Variants in G3BP1 observed in about 807,000 individuals in gnomAD.
G3BP1 encodes ras GTPase-activating protein-binding protein 1.
G3BP1 carries 35 observed loss-of-function variants against 58.6 expected under a neutral mutation model. That is an observed-to-expected ratio of 0.60 (90% CI 0.46 to 0.79). The LOEUF (loss-of-function observed/expected upper bound fraction) is 0.79. G3BP1 is among the 30% of genes least tolerant of loss of function. The pLI is 0.00. For missense variants in G3BP1, 523 were observed against 580.8 expected, an observed-to-expected ratio of 0.90 and a Z score of 1.02; for synonymous variants, 191 against 195.4, an observed-to-expected ratio of 0.98 and a Z score of 0.19.
chr5:151,796,169 T>C (rs1440145400), intron 6 of G3BP1, among the ~76,000 whole-genome samples: 1 of 152,208 alleles, frequency 6.6e-6, no homozygotes, highest in African/African-American at 2.4e-5. Flanking sequence ...GATGAACTAA[T>C]CAGGTTACTC....
intron 1 of G3BP1, among the ~76,000 whole-genome samples, chr5:151,779,389 T>C (rs142958792): frequency 2.0e-4 from 31 of 152,304 alleles, no homozygotes; most frequent in African/African-American, 7.5e-4. Context: ...TGATATCTAA[T>C]TGTTTCAGTA....
At chr5:151,801,823 T>TA (rs1762856576) in intron 11 of G3BP1, among the ~76,000 whole-genome samples, 1 of 151,996 alleles carries the variant, frequency 6.6e-6, no homozygotes, top group Non-Finnish European at 1.5e-5. Context: ...TTTTTTATTT[T>TA]TTTTTTTTTG....
In G3BP1 at chr5:151,811,132, C is replaced by G. The variant is rs1387274093; in HGVS notation, c.*7041C>G. On this transcript the variant is annotated 3_prime_UTR_variant, in exon 12 of 12. Transcript: ENST00000356245. ...AGTCTTTCCCGTCTTTCTTCCTCAC[C>G]TATGTAATTTCAGTAGTCTCTCAGC... The G allele has an allele frequency of 6.6e-6, 1 of 152,210 alleles. No individual in the cohort carries two copies. Among genetic ancestry groups the G allele is most frequent in the African/African-American group, 2.4e-5 (1 of 41,442 alleles). The allele number at this position is 152,210 out of a possible 1,614,324, so 9.4% of individuals were successfully genotyped here. A position where few individuals can be genotyped will look rare whatever the true frequency, so the allele number is the denominator to read the frequency against.
chr5:151,803,075 C>G (rs7734314), intron 11 of G3BP1, among the ~76,000 whole-genome samples: 63,137 of 152,086 alleles, frequency 0.42, 13,227 homozygotes, highest in South Asian at 0.47. Context: ...TTCGTAGCCC[C>G]TTAACTACTT....
At chr5:151,776,157 G>T (rs1406884285) in intron 1 of G3BP1, among the ~76,000 whole-genome samples, 1 of 152,164 alleles carries the variant, frequency 6.6e-6, no homozygotes, top group African/African-American at 2.4e-5. Context: ...CATGACACTT[G>T]ATCTCATTTG....
intron 2 of G3BP1, among the ~76,000 whole-genome samples, chr5:151,788,056 C>T (rs1163932646): frequency 6.6e-6 from 1 of 151,976 alleles, no homozygotes; most frequent in African/African-American, 2.4e-5. Flanking sequence ...TCCTGAGTAG[C>T]TGGGACTGAG....
intron 1 of G3BP1, among the ~76,000 whole-genome samples, chr5:151,779,596 G>T (rs952767280): frequency 1.3e-5 from 2 of 152,150 alleles, no homozygotes; most frequent in Non-Finnish European, 2.9e-5. Flanking sequence ...TATATGTAAC[G>T]TTATCACACA....
At chr5:151,772,547 G>A (rs1420101985) in intron 1 of G3BP1, 1 of 152,504 alleles carries the variant, frequency 6.6e-6, no homozygotes, top group Admixed American at 6.5e-5. Flanking sequence ...AGCAAAGAGG[G>A]AGCAGCGAGT....
At chr5:151,799,030 A>G (rs549328295) in intron 7 of G3BP1, among the ~76,000 whole-genome samples, 182 bp from the exon 8 acceptor site, 2 of 152,312 alleles carry the variant, frequency 1.3e-5, no homozygotes, top group South Asian at 4.1e-4. Context: ...CATCAGTCCC[A>G]AGGAATTTCA....
chr5:151,803,746 G>C, intron 11 of G3BP1, 139 bp from the exon 12 acceptor site: 1 of 577,246 alleles, frequency 1.7e-6, no homozygotes, highest in Non-Finnish European at 3.1e-6. Flanking sequence ...CACCCGTCTC[G>C]GCCTCCCAAA....
intron 11 of G3BP1, among the ~76,000 whole-genome samples, chr5:151,801,511 T>G (rs1762848926): frequency 6.6e-6 from 1 of 152,230 alleles, no homozygotes; most frequent in South Asian, 2.1e-4. Flanking sequence ...TAAGCTATAC[T>G]TTTTTATTGA....
intron 1 of G3BP1, among the ~76,000 whole-genome samples, chr5:151,779,354 C>T (rs1762428297): frequency 6.6e-6 from 1 of 151,972 alleles, no homozygotes; most frequent in Non-Finnish European, 1.5e-5. Flanking sequence ...AATTGAGGTT[C>T]TGGTTTTTTT....
In G3BP1 at chr5:151,809,924, G is replaced by A. The variant is rs1762993387; in HGVS notation, c.*5833G>A. On this transcript the variant is annotated 3_prime_UTR_variant, in exon 12 of 12. Transcript: ENST00000356245. ...TTAACTTGTGCTCCCCTCAGGGATGGGTTTACTACTAGCTGTCAGAAAGCT... is the reference window on the plus strand; with the variant it reads ...TTAACTTGTGCTCCCCTCAGGGATGAGTTTACTACTAGCTGTCAGAAAGCT... 6.6e-6 allele frequency: 1 copy of A among 152,134 alleles called. No individual in the cohort carries two copies. The highest frequency in any genetic ancestry group is 2.1e-4 in the South Asian group (1 of 4,814). 9.4% of individuals were successfully genotyped at this position (152,134 alleles called of 1,614,324 possible).
At position 151,807,762 on chromosome 5, in the gene G3BP1, G is replaced by A. The variant is rs1400638488; in HGVS notation, c.*3671G>A. ...ATTTAACGATTTAATGGAAAATGTT[G>A]CACTTTATAGAAGGCCATTTTAGAA... On this transcript the variant is annotated 3_prime_UTR_variant, in exon 12 of 12. Transcript: ENST00000356245. 6.6e-6 allele frequency: 1 copy of A among 152,148 alleles called. No individual in the cohort carries two copies. Among genetic ancestry groups the A allele is most frequent in the East Asian group, 1.9e-4 (1 of 5,196 alleles). 9.4% of individuals were successfully genotyped at this position (152,148 alleles called of 1,614,324 possible).
Position 151,786,604 on chromosome 5 carries a change from T to C in G3BP1, c.-17T>C. ...CATATTTGACTCTTTTCCCCCCAGG[T>C]TGAATTGACCAAAGCAATGGTGATG... On this transcript the variant is annotated 5_prime_UTR_variant, in exon 2 of 12. Coordinates refer to ENST00000356245, the MANE Select transcript of G3BP1 (RefSeq NM_005754.3). 1 of 1,557,396 alleles carries C rather than the reference T, an allele frequency of 6.4e-7. No individual in the cohort carries two copies. Among genetic ancestry groups the C allele is most frequent in the Non-Finnish European group, 8.9e-7 (1 of 1,128,374 alleles).
Position 151,809,112 on chromosome 5 carries a change from G to T in G3BP1, c.*5021G>T, listed in dbSNP as rs1762977643. 6.6e-6 allele frequency: 1 copy of T among 152,218 alleles called. No homozygotes were observed. The highest frequency in any genetic ancestry group is 2.4e-5 in the African/African-American group (1 of 41,440). The allele number at this position is 152,218 out of a possible 1,614,324, so 9.4% of individuals were successfully genotyped here. ...GATTGCTTGAGCCCAGGAGTTGGAG[G>T]CTGCAGTGAGTTATGATCATACCAC... On this transcript the variant is annotated 3_prime_UTR_variant, in exon 12 of 12. Transcript: ENST00000356245.
chr5:151,805,914 T>C lies in G3BP1; in HGVS notation c.*1823T>C, dbSNP rs1185417626. The C allele has an allele frequency of 6.6e-6, 1 of 152,222 alleles. No individual in the cohort carries two copies. The highest frequency in any genetic ancestry group is 2.4e-5 in the African/African-American group (1 of 41,458). The allele number at this position is 152,222 out of a possible 1,614,324, so 9.4% of individuals were successfully genotyped here. On this transcript the variant is annotated 3_prime_UTR_variant, in exon 12 of 12. Coordinates refer to ENST00000356245, the MANE Select transcript of G3BP1 (RefSeq NM_005754.3). ...CATAAATTATGGATAGCCTAGAAAT[T>C]ATCCTTCATGAGTGAATACTAAATT...
intron 10 of G3BP1, 110 bp downstream of exon 10, chr5:151,800,456 G>GT (rs1212807623): frequency 2.8e-6 from 2 of 719,524 alleles, no homozygotes; most frequent in Non-Finnish European, 4.3e-6. Flanking sequence ...AGTAGTCATG[G>GT]TTAAAAAAAA....
intron 1 of G3BP1, chr5:151,772,586 C>T (rs543342321): frequency 9.2e-5 from 14 of 152,464 alleles, no homozygotes; most frequent in South Asian, 4.1e-4. Flanking sequence ...AACCAATGTT[C>T]TTTCCACGCC....
Sources: gnomAD v4.1 joint callset for allele counts (sites outside exome capture counted in the v4.1 genomes callset) on GRCh38, gnomAD v4.1.1 for gene constraint, MANE v1.5 for transcripts, NCBI Gene and HGNC (gene_info 2026-07-23, HGNC 2026-07-21) for gene names.